Variants in EYS observed in about 807,000 individuals in gnomAD.
The protein encoded by EYS is protein eyes shut homolog.
In EYS, 250 loss-of-function variants were observed where a neutral mutation model predicts 282.1. The observed-to-expected ratio is 0.89, with a 90% CI of 0.80 to 0.98. EYS has a LOEUF of 0.98. EYS is among the 50% of genes least tolerant of loss of function. EYS has a pLI of 0.00. For synonymous variants in EYS, 1,355 were observed against 1,282.9 expected (o/e 1.06, Z -1.20); for missense variants, 4,016 against 3,709.0 (o/e 1.08, Z -2.15).
At chr6:64,311,965 G>A (rs1769725140) in intron 29 of EYS, among the ~76,000 whole-genome samples, 1 of 143,484 alleles carries the variant, frequency 7.0e-6, no homozygotes. Flanking sequence ...AAGCCACTGA[G>A]CTAGCTGCAG....
chr6:64,838,907 T>C (rs913389861), intron 19 of EYS, among the ~76,000 whole-genome samples: 3 of 151,956 alleles, frequency 2.0e-5, no homozygotes, highest in Admixed American at 6.6e-5. Context: ...CCTAAGCAAC[T>C]AGGAGGAGCT....
intron 22 of EYS, among the ~76,000 whole-genome samples, chr6:64,776,516 A>G (rs1392763567): frequency 6.6e-6 from 1 of 151,986 alleles, no homozygotes; most frequent in Non-Finnish European, 1.5e-5. Context: ...AAGGCTTTCT[A>G]TTCTTTGAAG....
chr6:65,664,112 C>T (rs564061707), intron 1 of EYS, among the ~76,000 whole-genome samples: 12 of 152,070 alleles, frequency 7.9e-5, no homozygotes, highest in South Asian at 4.1e-4. Context: ...CCTCGTGATC[C>T]GCCTGCCTCG....
chr6:65,394,087 A>G (rs1222553215), intron 7 of EYS, among the ~76,000 whole-genome samples: 2 of 152,058 alleles, frequency 1.3e-5, no homozygotes, highest in Admixed American at 1.3e-4. Context: ...TTTTATGAGA[A>G]AGACACCAGC....
At chr6:64,561,497 G>C (rs886336371) in intron 26 of EYS, among the ~76,000 whole-genome samples, 1 of 151,974 alleles carries the variant, frequency 6.6e-6, no homozygotes, top group Non-Finnish European at 1.5e-5. Flanking sequence ...CAAAATCGAT[G>C]TACAAAAGTC....
intron 19 of EYS, among the ~76,000 whole-genome samples, chr6:64,852,704 T>C (rs1026887726): frequency 1.3e-5 from 2 of 152,060 alleles, no homozygotes; most frequent in Non-Finnish European, 2.9e-5. Flanking sequence ...CATGGAGACA[T>C]AGATACAGGG....
At chr6:65,109,850 G>C (rs553639896) in intron 12 of EYS, among the ~76,000 whole-genome samples, 1 of 152,124 alleles carries the variant, frequency 6.6e-6, no homozygotes, top group African/African-American at 2.4e-5. Flanking sequence ...CCTTCAGATA[G>C]TTGCTTATTG....
chr6:64,540,082 T>A (rs1210364027), intron 26 of EYS, among the ~76,000 whole-genome samples: 1 of 152,214 alleles, frequency 6.6e-6, no homozygotes, highest in African/African-American at 2.4e-5. Context: ...ACAAGTGGAA[T>A]GATTTTCCGG....
chr6:64,116,301 C>CTA (rs1773383541), intron 31 of EYS, among the ~76,000 whole-genome samples: 2 of 152,068 alleles, frequency 1.3e-5, no homozygotes, highest in Admixed American at 1.3e-4. Context: ...CCCTATATGG[C>CTA]TATCAGTGGA....
chr6:64,624,348 T>C (rs1562097666), intron 23 of EYS, among the ~76,000 whole-genome samples: 1 of 152,212 alleles, frequency 6.6e-6, no homozygotes, highest in African/African-American at 2.4e-5. Flanking sequence ...CCTATTGTTA[T>C]GATAAACAAA....
chr6:64,190,900 T>C (rs985927735), intron 31 of EYS, among the ~76,000 whole-genome samples: 1 of 152,244 alleles, frequency 6.6e-6, no homozygotes, highest in African/African-American at 2.4e-5. Flanking sequence ...GCCTGGTGTC[T>C]TGACGTTTCA....
chr6:65,481,356 T>C (rs534008673), intron 5 of EYS, among the ~76,000 whole-genome samples: 131 of 152,330 alleles, frequency 8.6e-4, no homozygotes, highest in Non-Finnish European at 1.5e-3. Context: ...TAGCTAAATT[T>C]ATGCTTTATT....
chr6:64,659,100 T>A (rs1173215538), intron 22 of EYS, among the ~76,000 whole-genome samples: 1 of 151,814 alleles, frequency 6.6e-6, no homozygotes, highest in East Asian at 1.9e-4. Flanking sequence ...ACCGCTCAAC[T>A]ACATGGAAAC....
chr6:64,624,876 T>C (rs552513885), intron 23 of EYS, among the ~76,000 whole-genome samples: 1 of 152,282 alleles, frequency 6.6e-6, no homozygotes, highest in Admixed American at 6.5e-5. Context: ...GACTATTTTT[T>C]TTCTAAGAGA....
intron 29 of EYS, among the ~76,000 whole-genome samples, chr6:64,381,588 G>GT (rs1299580536): frequency 6.6e-6 from 1 of 152,058 alleles, no homozygotes; most frequent in Non-Finnish European, 1.5e-5. Flanking sequence ...ACATACTACT[G>GT]TAAGTGGACG....
intron 22 of EYS, among the ~76,000 whole-genome samples, chr6:64,671,974 T>C (rs1404807198): frequency 6.6e-6 from 1 of 152,116 alleles, no homozygotes; most frequent in East Asian, 1.9e-4. Context: ...GAAGAAGTTA[T>C]GTATCTTCAA....
chr6:65,174,258 T>C (rs1280098203), intron 12 of EYS, among the ~76,000 whole-genome samples: 4 of 151,346 alleles, frequency 2.6e-5, no homozygotes, highest in African/African-American at 7.3e-5. Context: ...TACATTTATA[T>C]GGCTGTAAAT....
intron 36 of EYS, among the ~76,000 whole-genome samples, chr6:63,809,563 A>G (rs955893859): frequency 5.9e-5 from 9 of 152,214 alleles, no homozygotes; most frequent in Admixed American, 3.3e-4. Flanking sequence ...AAACATGAAG[A>G]AAAAAGGGAG....
intron 31 of EYS, among the ~76,000 whole-genome samples, chr6:64,150,918 T>G (rs1435849174): frequency 6.6e-6 from 1 of 152,182 alleles, no homozygotes. Flanking sequence ...TATGAGGAAC[T>G]TGTCATCTTC....
Sources: allele counts gnomAD v4.1 joint callset (sites outside exome capture counted in the v4.1 genomes callset), GRCh38; gene constraint gnomAD v4.1.1; transcripts MANE v1.5; gene names NCBI Gene and HGNC (gene_info 2026-07-23, HGNC 2026-07-21).